Variants in ZNF226 observed in about 807,000 individuals in gnomAD.
ZNF226 encodes the protein zinc finger protein 226.
A neutral mutation model predicts 11.4 loss-of-function variants in ZNF226; 6 were observed. The ratio of observed to expected loss-of-function variants is 0.53; its 90% CI spans 0.29 to 1.04. The LOEUF (loss-of-function observed/expected upper bound fraction) is 1.04, where lower values mean the gene tolerates loss of function less well. Ranked by LOEUF, ZNF226 falls within the 50% of genes least tolerant of loss-of-function variation. ZNF226 has a pLI of 0.08. For synonymous variants in ZNF226, 350 were observed against 322.8 expected, an observed-to-expected ratio of 1.08 and a Z score of -0.90; for missense variants, 1,058 against 956.5, an observed-to-expected ratio of 1.11 and a Z score of -1.40.
chr19:44,165,536 A>T (rs1881748), intron 1 of ZNF226: 1 of 152,126 alleles, frequency 6.6e-6, no homozygotes, highest in African/African-American at 2.4e-5. Context: ...TAATACAAAA[A>T]GTGTAAAACT....
chr19:44,186,324 A>C, the ZNF226 span, among the ~76,000 whole-genome samples: 2 of 152,190 alleles, frequency 1.3e-5, no homozygotes, highest in African/African-American at 2.4e-5. Context: ...TAAGTCTTCA[A>C]ACCCCTGAGT....
In ZNF226 at chr19:44,165,766, C is replaced by T. The variant is rs1414098578; in HGVS notation, c.-88C>T. 1 of 152,304 alleles carries T rather than the reference C, an allele frequency of 6.6e-6. No individual in the cohort carries two copies. Among genetic ancestry groups the T allele is most frequent in the African/African-American group, 2.4e-5 (1 of 41,448 alleles). 9.4% of individuals were successfully genotyped at this position (152,304 alleles called of 1,614,324 possible). The stretch of plus-strand genomic sequence containing the variant: ...TGTTTTTCTTCCCCAGCCCTGACTT[C>T]TCAAAAAGCACTGCACAGAGGAGGA... On this transcript the variant is annotated 5_prime_UTR_variant, in exon 2 of 6. Transcript: ENST00000337433.
downstream of ZNF226, among the ~76,000 whole-genome samples, chr19:44,180,564 C>T (rs147817716): frequency 6.6e-6 from 1 of 152,150 alleles, no homozygotes; most frequent in South Asian, 2.1e-4. Flanking sequence ...AAAACTACCC[C>T]CTGTGGGCCC....
intron 2 of ZNF226, among the ~76,000 whole-genome samples, chr19:44,169,047 C>T (rs1424226248): frequency 8.6e-6 from 1 of 116,494 alleles, no homozygotes; most frequent in Non-Finnish European, 1.6e-5. Context: ...CTCACTCAGT[C>T]GCCGAGGCTG....
chr19:44,182,012 G>A (rs556281112), downstream of ZNF226, among the ~76,000 whole-genome samples: 7 of 152,190 alleles, frequency 4.6e-5, no homozygotes, highest in Middle Eastern at 3.4e-3. Flanking sequence ...TACCAGTGTT[G>A]AATCAGGTGG....
At chr19:44,181,736 T>C (rs941426960), downstream of ZNF226, among the ~76,000 whole-genome samples, 7 of 152,166 alleles carry the variant, frequency 4.6e-5, no homozygotes, top group African/African-American at 7.2e-5. Flanking sequence ...GGAGCCCTTC[T>C]TCCTCTATTT....
chr19:44,183,051 G>C (rs1970931100), downstream of ZNF226, among the ~76,000 whole-genome samples: 1 of 152,164 alleles, frequency 6.6e-6, no homozygotes, highest in Non-Finnish European at 1.5e-5. Flanking sequence ...CTGATACGCT[G>C]CCGAAACTGA....
At chr19:44,166,486 C>T (rs939256095) in intron 2 of ZNF226, among the ~76,000 whole-genome samples, 2 of 152,102 alleles carry the variant, frequency 1.3e-5, no homozygotes, top group African/African-American at 4.8e-5. Context: ...GGCAACTGAG[C>T]AAGACTCTGT....
chr19:44,177,155 G>A lies in ZNF226; in HGVS notation c.1893G>A (p.Leu631=). The A allele has an allele frequency of 6.2e-7, 1 of 1,611,358 alleles. No individual in the cohort carries two copies. Among genetic ancestry groups the A allele is most frequent in the African/African-American group, 1.4e-5 (1 of 74,068 alleles). ...GKVFRQASNL[L]AHQRVHSGEK... ...TCTTCAGGCAGGCCTCAAATCTTTTGGCCCATCAGAGAGTCCACAGTGGAG... is the reference window on the plus strand; with the variant it reads ...TCTTCAGGCAGGCCTCAAATCTTTTAGCCCATCAGAGAGTCCACAGTGGAG... Residue 631 remains leucine (L), a synonymous_variant, in exon 6 of 6, where the codon TTG becomes TTA. Coordinates refer to ENST00000337433, the MANE Select transcript of ZNF226 (RefSeq NM_001032373.2).
At chr19:44,166,526 A>C (rs572158809) in intron 2 of ZNF226, among the ~76,000 whole-genome samples, 1 of 152,360 alleles carries the variant, frequency 6.6e-6, no homozygotes, top group Admixed American at 6.5e-5. Context: ...TTTTAAAAAT[A>C]GTTTTCTCAA....
chr19:44,172,029 G>A, intron 3 of ZNF226, 59 bp from the exon 4 acceptor site: 1 of 1,589,586 alleles, frequency 6.3e-7, no homozygotes, highest in Non-Finnish European at 8.6e-7. Context: ...TGTTCTCAGT[G>A]TTACCCATCT....
At chr19:44,175,178 A>C (rs1970567370) in intron 5 of ZNF226, 1 of 1,452,394 alleles carries the variant, frequency 6.9e-7, no homozygotes, top group African/African-American at 1.4e-5. Flanking sequence ...AACTGTGAGC[A>C]CTACAAAATG....
At chr19:44,187,118 G>C in the ZNF226 span, among the ~76,000 whole-genome samples, 1 of 152,050 alleles carries the variant, frequency 6.6e-6, no homozygotes, top group Admixed American at 6.6e-5. The surrounding 1 kb of genome is among the most constrained non-coding windows in gnomAD (Gnocchi z 4.0). Context: ...TCAGGTTAAT[G>C]ATGACTTATA....
In ZNF226 at chr19:44,175,805, A is replaced by C; in HGVS notation, c.543A>C (p.Ser181=). The change falls in exon 6 of 6, where the codon TCA becomes TCC. Residue 181 remains serine (S), a synonymous_variant. Transcript: ENST00000337433. Reference sequence around the variant, plus strand: ...GGAGGAAAACATTCCTGACTGAGTCACAGAGATTGAACAGAGATCAGCAAA... The same window carrying C: ...GGAGGAAAACATTCCTGACTGAGTCCCAGAGATTGAACAGAGATCAGCAAA... ...DSWRKTFLTE[S]QRLNRDQQIS... The C allele has an allele frequency of 6.2e-7, 1 of 1,613,862 alleles. No homozygotes were observed. The highest frequency in any genetic ancestry group is 8.5e-7 in the Non-Finnish European group (1 of 1,179,834).
intron 5 of ZNF226, chr19:44,173,431 T>C (rs1970348122): frequency 1.2e-5 from 2 of 171,636 alleles, no homozygotes; most frequent in Non-Finnish European, 2.4e-5. Context: ...TGGTCCCTTC[T>C]TCATTCATTT....
downstream of ZNF226, among the ~76,000 whole-genome samples, chr19:44,181,813 C>T (rs1288316869): frequency 1.3e-5 from 2 of 152,140 alleles, no homozygotes; most frequent in African/African-American, 2.4e-5. Context: ...TTGCAAAAGG[C>T]TTTAGATCCT....
At chr19:44,182,751 G>A (rs546699553), downstream of ZNF226, among the ~76,000 whole-genome samples, 9 of 152,260 alleles carry the variant, frequency 5.9e-5, no homozygotes, top group South Asian at 1.7e-3. Context: ...TCAAGTGGAG[G>A]CACTTTACTG....
chr19:44,170,099 A>G lies in ZNF226; in HGVS notation c.15+4A>G, dbSNP rs1270621609. 4.3e-6 allele frequency: 7 copies of G among 1,612,380 alleles called. No homozygotes were observed. In the Admixed American group the frequency reaches 5.0e-5, roughly 12 times the overall value. On this transcript the variant is annotated splice_donor_region_variant and intron_variant, in intron 3 of 5. Transcript: ENST00000337433. ...ATTAAAAATGAATATGTTCAAGGTG[A>G]GTAGAGCTTGCCTTTCCCAGCTGTT...
At position 44,176,907 on chromosome 19, in the gene ZNF226, C is replaced by T; in HGVS notation, c.1645C>T (p.His549Tyr). The change falls in exon 6 of 6, where the codon CAT becomes TAT. Residue 549 changes from histidine (H) to tyrosine (Y), a missense_variant. Coordinates refer to ENST00000337433, the MANE Select transcript of ZNF226 (RefSeq NM_001032373.2). ...GFSQSSYLQI[H>Y]QKAHSIEKPF... ...CAGTCAAAGTTCGTATCTTCAAATC[C>T]ATCAGAAGGCCCACAGTATAGAGAA... is the stretch of plus-strand genomic sequence containing the variant. 1 of 1,613,900 alleles carries T rather than the reference C, an allele frequency of 6.2e-7. No individual in the cohort carries two copies. Among genetic ancestry groups the T allele is most frequent in the African/African-American group, 1.3e-5 (1 of 74,940 alleles).
Sources: gnomAD v4.1 joint callset for allele counts (sites outside exome capture counted in the v4.1 genomes callset) on GRCh38, gnomAD v4.1.1 for gene constraint, Gnocchi (gnomAD v3.1) non-coding constraint, MANE v1.5 for transcripts, NCBI Gene and HGNC (gene_info 2026-07-23, HGNC 2026-07-21) for gene names.